RIGI: variants seen among roughly 807,000 people sequenced by gnomAD.
RIGI encodes RNA sensor RIG-I.
chr9:32,497,371 G>C, the RIGI span, among the ~76,000 whole-genome samples: 1 of 152,080 alleles, frequency 6.6e-6, no homozygotes, highest in Admixed American at 6.6e-5. Flanking sequence ...GACTAATTTT[G>C]AGGTGTTGAT....
chr9:32,458,248 A>G, the RIGI span, among the ~76,000 whole-genome samples: 2 of 152,216 alleles, frequency 1.3e-5, no homozygotes, highest in African/African-American at 4.8e-5. Flanking sequence ...TAAGAAAGAA[A>G]TATAAGGCTG....
At chr9:32,487,826 G>T in the RIGI span, 1 of 1,336,256 alleles carries the variant, frequency 7.5e-7, no homozygotes, top group Non-Finnish European at 1.0e-6. Context: ...TTCATAATGA[G>T]TTGTACAATA....
At chr9:32,475,647 C>T in the RIGI span, among the ~76,000 whole-genome samples, 2 of 152,004 alleles carry the variant, frequency 1.3e-5, no homozygotes, top group African/African-American at 4.8e-5. Flanking sequence ...CAATACCTCA[C>T]GCCTTATACA....
the RIGI span, among the ~76,000 whole-genome samples, chr9:32,498,491 C>T: frequency 2.0e-5 from 3 of 152,168 alleles, no homozygotes; most frequent in Non-Finnish European, 2.9e-5. Flanking sequence ...GACTGCAACC[C>T]TTTATGAAAA....
chr9:32,507,616 T>C, the RIGI span, among the ~76,000 whole-genome samples: 1 of 152,088 alleles, frequency 6.6e-6, no homozygotes, highest in African/African-American at 2.4e-5. Context: ...ATTTATTTAA[T>C]ATATATTTGT....
chr9:32,483,735 C>A, the RIGI span, among the ~76,000 whole-genome samples: 1 of 151,892 alleles, frequency 6.6e-6, no homozygotes, highest in African/African-American at 2.4e-5. Flanking sequence ...CTCACACACT[C>A]CTCCCCATGC....
chr9:32,467,089 G>A, the RIGI span, among the ~76,000 whole-genome samples: 12 of 152,188 alleles, frequency 7.9e-5, no homozygotes, highest in Non-Finnish European at 1.2e-4. Flanking sequence ...ATGGAGGCAG[G>A]GGAAGAGGTA....
At chr9:32,525,917 C>G in the RIGI span, 179,692 of 717,116 alleles carry the variant, frequency 0.25, 23,979 homozygotes, top group South Asian at 0.41. Context: ...CTGGCAACCT[C>G]TAGCCTAAAA....
chr9:32,488,967 T>C, the RIGI span: 1 of 1,201,882 alleles, frequency 8.3e-7, no homozygotes, highest in Admixed American at 2.7e-5. Context: ...TTTTTGGCTC[T>C]TCTAATACCA....
chr9:32,511,637 CT>C, the RIGI span, among the ~76,000 whole-genome samples: 2,422 of 152,138 alleles, frequency 0.016, 83 homozygotes, highest in African/African-American at 0.056. Context: ...AGGGAAAGAT[CT>C]AAAATCAACA....
chr9:32,512,437 C>T, the RIGI span, among the ~76,000 whole-genome samples: 2 of 152,152 alleles, frequency 1.3e-5, no homozygotes, highest in African/African-American at 4.8e-5. Flanking sequence ...TAAATGTAAT[C>T]CATCACATAA....
the RIGI span, among the ~76,000 whole-genome samples, chr9:32,524,376 G>A: frequency 1.3e-5 from 2 of 152,066 alleles, no homozygotes; most frequent in African/African-American, 2.4e-5. Context: ...CACACCAGTT[G>A]TTAGTGTTTC....
At chr9:32,504,068 C>CACACACA in the RIGI span, among the ~76,000 whole-genome samples, 4 of 151,214 alleles carry the variant, frequency 2.6e-5, no homozygotes, top group Non-Finnish European at 4.4e-5. Context: ...CACACACACA[C>CACACACA]CCAGGTCTGC....
chr9:32,486,453 CAAAAAAAAA>C, the RIGI span, among the ~76,000 whole-genome samples: 1 of 60,822 alleles, frequency 1.6e-5, no homozygotes, highest in Non-Finnish European at 3.4e-5. Context: ...GACTCTGTCT[CAAAAAAAAA>C]AAAAAAAAAA....
At chr9:32,474,226 G>A in the RIGI span, among the ~76,000 whole-genome samples, 2 of 125,488 alleles carry the variant, frequency 1.6e-5, no homozygotes, top group African/African-American at 5.7e-5. Flanking sequence ...AAAAAAAAAG[G>A]TTTTAAAGTA....
At chr9:32,522,782 G>C in the RIGI span, among the ~76,000 whole-genome samples, 33 of 152,302 alleles carry the variant, frequency 2.2e-4, no homozygotes, top group African/African-American at 7.9e-4. Flanking sequence ...AAAGATTGAG[G>C]ATCAGATTCC....
chr9:32,515,113 T>G, the RIGI span, among the ~76,000 whole-genome samples: 1 of 152,104 alleles, frequency 6.6e-6, no homozygotes, highest in South Asian at 2.1e-4. Flanking sequence ...TGAGTAATCT[T>G]ATTTGTGGCC....
the RIGI span, among the ~76,000 whole-genome samples, chr9:32,489,962 G>T: frequency 6.6e-6 from 1 of 152,166 alleles, no homozygotes; most frequent in African/African-American, 2.4e-5. Flanking sequence ...TCAATAACAG[G>T]TAGGCATATA....
chr9:32,511,120 G>C, the RIGI span, among the ~76,000 whole-genome samples: 5,120 of 152,214 alleles, frequency 0.034, 286 homozygotes, highest in African/African-American at 0.11. Context: ...AAGAGACTTA[G>C]ACTCCCACAC....
Sources: allele counts gnomAD v4.1 joint callset (sites outside exome capture counted in the v4.1 genomes callset), GRCh38; gene constraint gnomAD v4.1.1; transcripts MANE v1.5; gene names NCBI Gene and HGNC (gene_info 2026-07-23, HGNC 2026-07-21).